The following EYS variants were observed in gnomAD, a reference collection of about 807,000 sequenced individuals.
EYS encodes the protein EGF-like photoreceptor maintenance factor.
EYS carries 250 observed loss-of-function variants against 282.1 expected under a neutral mutation model. That is an observed-to-expected ratio of 0.89 (90% CI 0.80 to 0.98). The LOEUF (loss-of-function observed/expected upper bound fraction) is 0.98, where lower values mean the gene tolerates loss of function less well. EYS is among the 50% of genes least tolerant of loss of function. The pLI, the probability that EYS is intolerant of heterozygous loss-of-function variation, is 0.00. For synonymous variants in EYS, 1,355 were observed against 1,282.9 expected (o/e 1.06, Z -1.20); for missense variants, 4,016 against 3,709.0 (o/e 1.08, Z -2.15).
At chr6:65,277,332 C>T (rs1203042534) in intron 12 of EYS, among the ~76,000 whole-genome samples, 10 of 151,650 alleles carry the variant, frequency 6.6e-5, no homozygotes, top group Non-Finnish European at 2.9e-5. Flanking sequence ...ACTCAGGAGG[C>T]TGAGGCAAAA....
chr6:65,193,503 G>A (rs1765692410), intron 12 of EYS, among the ~76,000 whole-genome samples: 1 of 151,784 alleles, frequency 6.6e-6, no homozygotes, highest in African/African-American at 2.4e-5. Context: ...GAGTATAAGT[G>A]ATGATGCCAT....
intron 31 of EYS, among the ~76,000 whole-genome samples, chr6:64,156,662 T>C (rs1025842736): frequency 6.6e-6 from 1 of 152,080 alleles, no homozygotes; most frequent in African/African-American, 2.4e-5. Context: ...TGGTCTTAGA[T>C]GGAGATGAGG....
At chr6:65,084,039 A>T (rs956936192) in intron 12 of EYS, among the ~76,000 whole-genome samples, 1 of 151,926 alleles carries the variant, frequency 6.6e-6, no homozygotes, top group Non-Finnish European at 1.5e-5. Flanking sequence ...AACTTCATTT[A>T]TCTTTGGCAA....
intron 12 of EYS, among the ~76,000 whole-genome samples, chr6:65,250,215 A>T (rs546498215): frequency 6.6e-5 from 10 of 152,174 alleles, no homozygotes; most frequent in African/African-American, 2.4e-4. Flanking sequence ...ACATACTAAA[A>T]CTATGCTCTA....
chr6:65,196,090 A>T lies in EYS; in HGVS notation c.2023+99773T>A, dbSNP rs377401256. On this transcript the variant is annotated intron_variant, in intron 12 of 42. Transcript: ENST00000503581. ...AACATACTATCTACAAGGCAATAAA[A>T]CAAGTTATCCCATTTATATTTTTTG... is the stretch of plus-strand genomic sequence containing the variant. 2.1e-3 allele frequency among the ~76,000 whole-genome samples: 317 copies of T among 152,164 alleles called. 2 individuals are homozygous for T. Among genetic ancestry groups the T allele is most frequent in the African/African-American group, 7.3e-3 (302 of 41,552 alleles).
chr6:64,098,188 T>A (rs1268486700), intron 31 of EYS, among the ~76,000 whole-genome samples: 1 of 152,178 alleles, frequency 6.6e-6, no homozygotes, highest in Non-Finnish European at 1.5e-5. Context: ...CTCTTGCAAA[T>A]GTACTCAAGG....
intron 8 of EYS, among the ~76,000 whole-genome samples, chr6:65,371,152 T>A (rs984375923): frequency 2.0e-5 from 3 of 151,710 alleles, no homozygotes; most frequent in Non-Finnish European, 4.4e-5. Flanking sequence ...GTGGCCTCTG[T>A]ATGAAACACA....
At chr6:64,658,342 T>C (rs1175590314) in intron 22 of EYS, among the ~76,000 whole-genome samples, 1 of 152,174 alleles carries the variant, frequency 6.6e-6, no homozygotes, top group Admixed American at 6.5e-5. Context: ...GAAGCCTTCT[T>C]CTCTCAGCTC....
chr6:64,809,966 A>C (rs1764544658), intron 22 of EYS, among the ~76,000 whole-genome samples: 1 of 152,096 alleles, frequency 6.6e-6, no homozygotes, highest in South Asian at 2.1e-4. Context: ...TTAATCTATA[A>C]TAAATGTTGA....
chr6:64,894,021 A>G (rs1174127273), intron 18 of EYS, among the ~76,000 whole-genome samples: 2 of 152,086 alleles, frequency 1.3e-5, no homozygotes, highest in African/African-American at 4.8e-5. Flanking sequence ...ATATGTTTTA[A>G]TACTTCACTA....
At chr6:64,238,846 G>C (rs1314089751) in intron 30 of EYS, among the ~76,000 whole-genome samples, 2 of 152,104 alleles carry the variant, frequency 1.3e-5, no homozygotes, top group Non-Finnish European at 2.9e-5. Context: ...GTGGCTTGCT[G>C]CAAGCATCAA....
intron 33 of EYS, among the ~76,000 whole-genome samples, chr6:64,013,324 G>A (rs1020345858): frequency 6.6e-6 from 1 of 152,132 alleles, no homozygotes; most frequent in African/African-American, 2.4e-5. Flanking sequence ...TGGTCTCCTG[G>A]TAGCGCCTCT....
rs1470527861 is a variant in EYS at position 64,591,899 on chromosome 6, A to C, written c.3968T>G (p.Leu1323Ter). ...TCTAGTGACAATCAGTTCTTGGAGT[A>C]AGTAGCTTTCCAAGGGTGTGCTAAT... The part of the protein sequence containing the change: ...LRISTPLESY[L>*]LQELIVTREL... The change falls in exon 26 of 43, where the codon TTA becomes TGA. Residue 1323 changes from leucine to a stop codon, truncating the protein, a stop_gained. Transcript: ENST00000503581. LOFTEE classifies it high-confidence loss of function. 6.4e-7 allele frequency: 1 copy of C among 1,550,400 alleles called. No individual in the cohort carries two copies. Among genetic ancestry groups the C allele is most frequent in the South Asian group, 1.2e-5 (1 of 83,914 alleles).
intron 41 of EYS, among the ~76,000 whole-genome samples, chr6:63,753,146 A>ATATATATATATATATATATATATG (rs1769385623): frequency 5.8e-5 from 6 of 104,068 alleles, no homozygotes; most frequent in African/African-American, 2.6e-4. Flanking sequence ...GTGTGTATAT[A>ATATATATATATATATATATATATG]TATATATATA....
intron 13 of EYS, among the ~76,000 whole-genome samples, chr6:65,012,809 G>GC (rs1771916232): frequency 1.8e-5 from 1 of 55,164 alleles, no homozygotes; most frequent in South Asian, 4.9e-4. Flanking sequence ...TCCAAGTACA[G>GC]CAAAAAAAAA....
At chr6:64,697,813 G>A (rs539237714) in intron 22 of EYS, among the ~76,000 whole-genome samples, 7 of 152,042 alleles carry the variant, frequency 4.6e-5, no homozygotes, top group East Asian at 1.9e-4. Context: ...ATGGTGGCAC[G>A]CACCTGTAGT....
At chr6:64,875,476 G>A (rs749220539) in intron 19 of EYS, among the ~76,000 whole-genome samples, 13 of 152,132 alleles carry the variant, frequency 8.5e-5, no homozygotes, top group Admixed American at 3.9e-4. Context: ...CATTTGAAAT[G>A]AGCAGTTCTG....
chr6:65,249,395 C>G (rs553713714), intron 12 of EYS, among the ~76,000 whole-genome samples: 26 of 151,898 alleles, frequency 1.7e-4, no homozygotes, highest in Admixed American at 3.9e-4. Flanking sequence ...TGAAGAGAAC[C>G]AAAATTTTTG....
chr6:63,907,552 C>T (rs773938302), intron 35 of EYS, among the ~76,000 whole-genome samples: 12 of 152,136 alleles, frequency 7.9e-5, no homozygotes, highest in Admixed American at 2.0e-4. Flanking sequence ...TTTCTGTGTT[C>T]CTCTTTACGA....
Sources: allele counts gnomAD v4.1 joint callset (sites outside exome capture counted in the v4.1 genomes callset), GRCh38; gene constraint gnomAD v4.1.1; transcripts MANE v1.5; gene names NCBI Gene and HGNC (gene_info 2026-07-23, HGNC 2026-07-21).